Variants in TENM3 observed in about 807,000 individuals in gnomAD.
The protein encoded by TENM3 is teneurin transmembrane protein 3, also known as teneurin-3.
TENM3 carries 63 observed loss-of-function variants against 255.1 expected under a neutral mutation model. The ratio of observed to expected loss-of-function variants is 0.25; its 90% confidence interval spans 0.20 to 0.30. The LOEUF (loss-of-function observed/expected upper bound fraction) is 0.30, where lower values mean the gene tolerates loss of function less well. Ranked by LOEUF, TENM3 falls within the 10% of genes least tolerant of loss-of-function variation. TENM3 has a pLI of 1.00. For missense variants in TENM3, 2,929 were observed against 3,461.1 expected (o/e 0.85, Z 3.86); for synonymous variants, 1,306 against 1,322.3 (o/e 0.99, Z 0.27).
the TENM3 span, among the ~76,000 whole-genome samples, chr4:181,521,264 C>T: frequency 1.2e-4 from 19 of 152,256 alleles, no homozygotes; most frequent in Non-Finnish European, 5.9e-5. Flanking sequence ...AGGAGCATGG[C>T]AGCTTCTTCA....
At chr4:181,749,169 A>G in the TENM3 span, among the ~76,000 whole-genome samples, 1 of 151,966 alleles carries the variant, frequency 6.6e-6, no homozygotes, top group Non-Finnish European at 1.5e-5. Context: ...TGTGATTAGG[A>G]AAAAAAATGG....
intron 5 of TENM3, among the ~76,000 whole-genome samples, chr4:182,637,217 A>G (rs1195105675): frequency 6.6e-6 from 1 of 152,246 alleles, no homozygotes; most frequent in Non-Finnish European, 1.5e-5. Flanking sequence ...CAAAGGTTTC[A>G]TCCTAGAATA....
the TENM3 span, among the ~76,000 whole-genome samples, chr4:181,485,490 A>T: frequency 0.03 from 3,507 of 118,576 alleles, 60 homozygotes; most frequent in Non-Finnish European, 0.036. Context: ...GATTTTTTTT[A>T]AAAAAAAGAG....
the TENM3 span, among the ~76,000 whole-genome samples, chr4:181,471,039 C>A: frequency 2.0e-5 from 3 of 152,074 alleles, no homozygotes; most frequent in South Asian, 2.1e-4. Flanking sequence ...TCGGCACTGA[C>A]TACTGAGAAC....
At chr4:181,920,176 T>C in the TENM3 span, among the ~76,000 whole-genome samples, 1 of 152,104 alleles carries the variant, frequency 6.6e-6, no homozygotes, top group Non-Finnish European at 1.5e-5. Context: ...CTATTGTGAA[T>C]AGTGCCGCAA....
chr4:182,146,463 G>T (rs1042521872), intron 1 of TENM3, among the ~76,000 whole-genome samples: 1 of 152,068 alleles, frequency 6.6e-6, no homozygotes, highest in Non-Finnish European at 1.5e-5. Flanking sequence ...AATGAGTTTA[G>T]TTATTCTATT....
At chr4:181,992,478 C>T in the TENM3 span, among the ~76,000 whole-genome samples, 4 of 152,000 alleles carry the variant, frequency 2.6e-5, no homozygotes, top group Non-Finnish European at 5.9e-5. Flanking sequence ...ACTATGAATG[C>T]CAACTGATAG....
chr4:182,652,496 GA>G (rs1753402383), intron 5 of TENM3, among the ~76,000 whole-genome samples: 1 of 152,134 alleles, frequency 6.6e-6, no homozygotes, highest in Non-Finnish European at 1.5e-5. Context: ...CTTCTCACCT[GA>G]GCTTAAATTA....
At chr4:182,521,028 C>G (rs1279988934) in intron 3 of TENM3, among the ~76,000 whole-genome samples, 1 of 152,104 alleles carries the variant, frequency 6.6e-6, no homozygotes, top group African/African-American at 2.4e-5. Flanking sequence ...TATTCAGAAG[C>G]CTGTTAAAGA....
At chr4:182,372,594 C>A (rs1766903764) in intron 3 of TENM3, among the ~76,000 whole-genome samples, 3 of 151,952 alleles carry the variant, frequency 2.0e-5, no homozygotes, top group Admixed American at 2.0e-4. Context: ...ATGATAAATA[C>A]CTTGTCCTCA....
the TENM3 span, among the ~76,000 whole-genome samples, chr4:181,551,637 G>A: frequency 2.6e-5 from 4 of 151,948 alleles, no homozygotes; most frequent in South Asian, 2.1e-4. Context: ...TAGGGCAATC[G>A]TTGTCACAAA....
intron 20 of TENM3, among the ~76,000 whole-genome samples, chr4:182,753,241 C>T (rs1246675217): frequency 2.0e-5 from 3 of 152,194 alleles, no homozygotes; most frequent in African/African-American, 7.2e-5. Context: ...AGCCACCATG[C>T]CCTGCCTCCT....
At chr4:182,450,839 C>G (rs1369380719) in intron 3 of TENM3, among the ~76,000 whole-genome samples, 1 of 152,122 alleles carries the variant, frequency 6.6e-6, no homozygotes, top group Non-Finnish European at 1.5e-5. Context: ...GACATGATAT[C>G]TAAAATGAGT....
intron 6 of TENM3, among the ~76,000 whole-genome samples, chr4:182,664,013 A>G (rs893625498): frequency 6.6e-6 from 1 of 152,212 alleles, no homozygotes; most frequent in Non-Finnish European, 1.5e-5. Flanking sequence ...AATGCGGTGA[A>G]AAATGGAACT....
intron 1 of TENM3, among the ~76,000 whole-genome samples, chr4:182,189,959 G>C (rs868133646): frequency 5.3e-5 from 8 of 152,130 alleles, no homozygotes; most frequent in African/African-American, 1.2e-4. Flanking sequence ...TTGTTTGCTT[G>C]TTTTGTTTTG....
intron 1 of TENM3, among the ~76,000 whole-genome samples, chr4:182,251,700 G>A (rs929275253): frequency 6.6e-6 from 1 of 152,124 alleles, no homozygotes; most frequent in Admixed American, 6.6e-5. Context: ...TCTTAAATGG[G>A]AGAAATCTGT....
chr4:182,602,764 G>C (rs1748025824), intron 4 of TENM3, among the ~76,000 whole-genome samples: 2 of 152,026 alleles, frequency 1.3e-5, no homozygotes, highest in South Asian at 4.1e-4. Flanking sequence ...AATTTACCCA[G>C]TGTAATTAAT....
chr4:181,922,422 G>C, the TENM3 span, among the ~76,000 whole-genome samples: 3 of 152,090 alleles, frequency 2.0e-5, no homozygotes, highest in Non-Finnish European at 4.4e-5. Context: ...GCCTGTTATT[G>C]GTCTATTCAG....
intron 6 of TENM3, among the ~76,000 whole-genome samples, chr4:182,660,880 T>TA (rs1581241283): frequency 6.6e-6 from 1 of 152,178 alleles, no homozygotes; most frequent in Non-Finnish European, 1.5e-5. Flanking sequence ...AGCGAGTTAT[T>TA]ACAGTGAATT....
Sources: gnomAD v4.1 joint callset for allele counts (sites outside exome capture counted in the v4.1 genomes callset) on GRCh38, gnomAD v4.1.1 for gene constraint, MANE v1.5 for transcripts, NCBI Gene and HGNC (gene_info 2026-07-23, HGNC 2026-07-21) for gene names.